ADGRB3: variants seen among roughly 807,000 people sequenced by gnomAD.
The protein encoded by ADGRB3 is adhesion G protein-coupled receptor B3.
In ADGRB3, 37 loss-of-function variants were observed where a neutral mutation model predicts 193.4. That is an observed-to-expected ratio of 0.19 (90% CI 0.15 to 0.25). ADGRB3 has a LOEUF of 0.25. ADGRB3 is among the 10% of genes least tolerant of loss of function. The pLI is 1.00. For missense variants in ADGRB3, 1,637 were observed against 1,852.9 expected (o/e 0.88, Z 2.14); for synonymous variants, 690 against 644.2 (o/e 1.07, Z -1.08).
At chr6:68,851,147 T>A (rs1211001124) in intron 3 of ADGRB3, among the ~76,000 whole-genome samples, 1 of 151,986 alleles carries the variant, frequency 6.6e-6, no homozygotes, top group East Asian at 1.9e-4. Context: ...GTGTTTAGCC[T>A]CTTCCTACTA....
At chr6:68,936,751 T>C (rs1767496018) in intron 5 of ADGRB3, 71 bp downstream of exon 5, 1 of 1,494,590 alleles carries the variant, frequency 6.7e-7, no homozygotes. Context: ...GAACGATTTG[T>C]TATTTTCATA....
chr6:68,694,873 A>G (rs1765132095), intron 3 of ADGRB3, among the ~76,000 whole-genome samples: 1 of 152,054 alleles, frequency 6.6e-6, no homozygotes, highest in South Asian at 2.1e-4. Flanking sequence ...ATTGTGGTTA[A>G]TACCTTGGAC....
intron 26 of ADGRB3, among the ~76,000 whole-genome samples, chr6:69,350,608 T>A (rs1190135566): frequency 1.3e-5 from 2 of 152,150 alleles, no homozygotes; most frequent in Non-Finnish European, 2.9e-5. Flanking sequence ...ATGATTTTAA[T>A]ATCTAATAAA....
intron 15 of ADGRB3, among the ~76,000 whole-genome samples, chr6:69,051,643 G>A (rs959417657): frequency 1.3e-5 from 2 of 152,116 alleles, no homozygotes; most frequent in Admixed American, 1.3e-4. Flanking sequence ...AAGTACCCTC[G>A]AGCTTGTTTT....
rs1188511370 is a variant in ADGRB3, at chr6:69,389,380, T to C, written c.*489T>C. 1 of 152,796 alleles carries C rather than the reference T, an allele frequency of 6.5e-6. No homozygotes were observed. 9.5% of individuals were successfully genotyped at this position (152,796 alleles called of 1,614,324 possible). ...CAATAAAGTAATAATCTCACTTTTA[T>C]ATGAATAATATATTTCACATCTTTA... is the stretch of plus-strand genomic sequence containing the variant. On this transcript the variant is annotated 3_prime_UTR_variant, in exon 32 of 32. Coordinates refer to ENST00000370598, the MANE Select transcript of ADGRB3 (RefSeq NM_001704.3).
At chr6:69,240,920 G>A (rs1766370443) in intron 20 of ADGRB3, among the ~76,000 whole-genome samples, 2 of 151,906 alleles carry the variant, frequency 1.3e-5, no homozygotes, top group Admixed American at 1.3e-4. Flanking sequence ...TCAGGAACCA[G>A]AAAAAGTCAA....
In ADGRB3 at chr6:69,329,928, T is replaced by G. The variant is rs188988411; in HGVS notation, c.3036-578T>G. On this transcript the variant is annotated intron_variant, in intron 22 of 31. Transcript: ENST00000370598. Reference sequence around the variant, plus strand: ...GAAACAAACACAGCTGCACTTATTTTTATTCAAAAGCTTATCTTTAGAGAA... The same window carrying G: ...GAAACAAACACAGCTGCACTTATTTGTATTCAAAAGCTTATCTTTAGAGAA... Among the ~76,000 whole-genome samples, 216 of 152,322 alleles carry G rather than the reference T, an allele frequency of 1.4e-3. 2 individuals are homozygous for G. Among genetic ancestry groups the G allele is most frequent in the African/African-American group, 5.1e-3 (212 of 41,582 alleles).
chr6:68,989,675 T>C (rs1769177586), intron 10 of ADGRB3, among the ~76,000 whole-genome samples: 1 of 152,190 alleles, frequency 6.6e-6, no homozygotes, highest in African/African-American at 2.4e-5. Flanking sequence ...TTTTTTCCAA[T>C]GGTTCTTTGT....
At chr6:69,241,840 G>A (rs1471335422) in intron 20 of ADGRB3, among the ~76,000 whole-genome samples, 2 of 151,862 alleles carry the variant, frequency 1.3e-5, no homozygotes, top group African/African-American at 4.8e-5. Context: ...ATGCATTCGG[G>A]GAGGAGTGGG....
In ADGRB3 at chr6:69,233,273, C is replaced by T. The variant is rs977333811; in HGVS notation, c.2481-17C>T. 4.3e-6 allele frequency: 7 copies of T among 1,612,342 alleles called. No individual in the cohort carries two copies. The highest frequency in any genetic ancestry group is 1.3e-5 in the African/African-American group (1 of 74,808). On this transcript the variant is annotated splice_polypyrimidine_tract_variant and intron_variant, in intron 17 of 31. Transcript: ENST00000370598. ...CGTATTTATCCCGATTTCCTCCCCC[C>T]TCACTCCCCTTTGCAGGAACGAGTC...
Position 69,233,389 on chromosome 6 carries a change from C to T in ADGRB3, c.2580C>T (p.Ala860=). ...KCLCDRLSTF[A]ILAQQPREII... ...TATGTGATCGTCTCTCTACCTTCGC[C>T]ATTTTGGCTCAGCAACCTAGAGAAA... The change falls in exon 18 of 32, where the codon GCC becomes GCT. Residue 860 remains alanine, a synonymous_variant. Transcript: ENST00000370598. 1 of 1,614,072 alleles carries T rather than the reference C, an allele frequency of 6.2e-7. No individual in the cohort carries two copies. The highest frequency in any genetic ancestry group is 8.5e-7 in the Non-Finnish European group (1 of 1,179,994).
At chr6:68,677,526 T>C (rs1013466475) in intron 3 of ADGRB3, among the ~76,000 whole-genome samples, 12 of 146,058 alleles carry the variant, frequency 8.2e-5, no homozygotes, top group Non-Finnish European at 3.0e-5. Flanking sequence ...TTTTTCTTTT[T>C]TTTTTTTTTT....
chr6:68,694,454 G>C (rs1282100559), intron 3 of ADGRB3, among the ~76,000 whole-genome samples: 1 of 151,906 alleles, frequency 6.6e-6, no homozygotes, highest in Non-Finnish European at 1.5e-5. Flanking sequence ...AGGGTAACTA[G>C]TATCAAGGCA....
intron 15 of ADGRB3, among the ~76,000 whole-genome samples, chr6:69,058,470 T>A (rs760695276): frequency 2.6e-5 from 4 of 152,082 alleles, no homozygotes; most frequent in Admixed American, 1.3e-4. Context: ...TTTATTATTA[T>A]CTTTCTTCAT....
In ADGRB3 at chr6:68,835,003, C is replaced by T. The variant is rs944019089; in HGVS notation, c.758-95556C>T. ...ATCCAAGCATTTAAAAACTATAGAA[C>T]GTATTTATTTATATAATATCAATTC... On this transcript the variant is annotated intron_variant, in intron 3 of 31. Coordinates refer to ENST00000370598, the MANE Select transcript of ADGRB3 (RefSeq NM_001704.3). Among the ~76,000 whole-genome samples, 78 of 151,580 alleles carry T rather than the reference C, an allele frequency of 5.1e-4. 2 individuals carry two copies. Among genetic ancestry groups the T allele is most frequent in the Admixed American group, 4.7e-3 (72 of 15,208 alleles).
At chr6:68,702,322 C>T (rs1453804749) in intron 3 of ADGRB3, among the ~76,000 whole-genome samples, 20 of 152,004 alleles carry the variant, frequency 1.3e-4, no homozygotes. Flanking sequence ...TGGTACTAAA[C>T]CATTCATGAG....
At chr6:69,041,822 G>A (rs148856810) in intron 13 of ADGRB3, among the ~76,000 whole-genome samples, 2,574 of 152,174 alleles carry the variant, frequency 0.017, 78 homozygotes, top group African/African-American at 0.058. Flanking sequence ...GAACTCCTGG[G>A]CTCAAGGGAT....
At chr6:69,131,167 G>A (rs1317995934) in intron 17 of ADGRB3, among the ~76,000 whole-genome samples, 2 of 152,072 alleles carry the variant, frequency 1.3e-5, no homozygotes, top group African/African-American at 4.8e-5. Context: ...TTCAGTATAA[G>A]ATATTTAATT....
intron 11 of ADGRB3, among the ~76,000 whole-genome samples, chr6:69,000,201 A>G (rs1310583959): frequency 6.6e-6 from 1 of 151,712 alleles, no homozygotes; most frequent in Non-Finnish European, 1.5e-5. Flanking sequence ...AAAAAAAGAA[A>G]CAAAGAAGGG....
Sources: gnomAD v4.1 joint callset for allele counts (sites outside exome capture counted in the v4.1 genomes callset) on GRCh38, gnomAD v4.1.1 for gene constraint, MANE v1.5 for transcripts, NCBI Gene and HGNC (gene_info 2026-07-23, HGNC 2026-07-21) for gene names.